Variants in CSMD1 observed in about 807,000 individuals in gnomAD.
CSMD1 encodes the protein CUB and sushi domain-containing protein 1.
CSMD1 carries 213 observed loss-of-function variants against 417.5 expected under a neutral mutation model. That is an observed-to-expected ratio of 0.51 (90% CI 0.46 to 0.57). The LOEUF is 0.57. CSMD1 is among the 20% of genes least tolerant of loss of function. CSMD1 has a pLI of 0.00. For missense variants in CSMD1, 6,923 were observed against 4,529.7 expected (o/e 1.53, Z -15.17); for synonymous variants, 2,862 against 1,736.8 (o/e 1.65, Z -16.11).
chr8:4,478,497 A>C (rs975286899), intron 2 of CSMD1, among the ~76,000 whole-genome samples: 1 of 152,210 alleles, frequency 6.6e-6, no homozygotes, highest in African/African-American at 2.4e-5. Context: ...CCCCAAAAAA[A>C]CTGAAAGTAG....
intron 3 of CSMD1, among the ~76,000 whole-genome samples, chr8:4,043,069 G>A (rs1028619572): frequency 6.6e-6 from 1 of 151,884 alleles, no homozygotes; most frequent in Admixed American, 6.6e-5. Flanking sequence ...GAGGCACAGG[G>A]TGCAGTGAGC....
intron 6 of CSMD1, among the ~76,000 whole-genome samples, chr8:3,749,734 T>A (rs930778801): frequency 2.0e-5 from 3 of 152,184 alleles, no homozygotes; most frequent in Admixed American, 6.6e-5. Context: ...TTTATGTTTT[T>A]TTTTCCTTTC....
chr8:3,687,522 C>T (rs543676206), intron 7 of CSMD1, among the ~76,000 whole-genome samples: 1 of 152,322 alleles, frequency 6.6e-6, no homozygotes, highest in South Asian at 2.1e-4. Context: ...TTAATTTTCT[C>T]TACTTTTCTT....
At chr8:4,380,735 C>G (rs573689158) in intron 3 of CSMD1, among the ~76,000 whole-genome samples, 1 of 152,176 alleles carries the variant, frequency 6.6e-6, no homozygotes, top group Admixed American at 6.5e-5. Flanking sequence ...GGGAGCACTT[C>G]ATACTGTCCT....
intron 10 of CSMD1, among the ~76,000 whole-genome samples, chr8:3,494,897 G>C (rs1465812575): frequency 6.6e-6 from 1 of 152,136 alleles, no homozygotes; most frequent in Non-Finnish European, 1.5e-5. Context: ...AAGAGTAAGT[G>C]GTAGCATAGA....
intron 42 of CSMD1, 37 bp from the exon 43 acceptor site, chr8:3,110,372 G>C: frequency 6.5e-7 from 1 of 1,529,976 alleles, no homozygotes; most frequent in East Asian, 2.3e-5. Flanking sequence ...GCGCCATACA[G>C]CTGATTTTAG....
chr8:3,856,498 C>A (rs577758055), intron 5 of CSMD1, among the ~76,000 whole-genome samples: 18 of 152,150 alleles, frequency 1.2e-4, no homozygotes, highest in Admixed American at 2.6e-4. Context: ...AGGAGGAGAA[C>A]TGCATGAGGA....
At chr8:2,952,318 T>G (rs1414612396) in intron 65 of CSMD1, among the ~76,000 whole-genome samples, 1 of 152,170 alleles carries the variant, frequency 6.6e-6, no homozygotes, top group East Asian at 1.9e-4. Flanking sequence ...TCGCAAATAA[T>G]GAGGACAAAA....
rs533371132 is a variant in CSMD1, at chr8:4,143,009, T to A, written c.416-110910A>T. Reference sequence around the variant, plus strand: ...ACTGATTGAAAAAAAAAAAATGCTCTCCATTTAGGAACTAGTGTCCAATTC... The same window carrying A: ...ACTGATTGAAAAAAAAAAAATGCTCACCATTTAGGAACTAGTGTCCAATTC... On this transcript the variant is annotated intron_variant, in intron 3 of 69. Coordinates refer to ENST00000635120, the MANE Select transcript of CSMD1 (RefSeq NM_033225.6). Among the ~76,000 whole-genome samples, 6 of 150,366 alleles carry A rather than the reference T, an allele frequency of 4.0e-5. No homozygotes were observed. In the East Asian group the frequency reaches 9.7e-4, roughly 24 times the overall value.
At chr8:3,187,492 CA>C (rs1438928004) in intron 36 of CSMD1, among the ~76,000 whole-genome samples, 1 of 152,132 alleles carries the variant, frequency 6.6e-6, no homozygotes, top group Non-Finnish European at 1.5e-5. Flanking sequence ...CCCACATGCT[CA>C]GTGTAATTTT....
Position 4,314,474 on chromosome 8 carries a change from G to A in CSMD1, c.415+105479C>T, listed in dbSNP as rs564239592. 1.8e-3 allele frequency among the ~76,000 whole-genome samples: 279 copies of A among 152,256 alleles called. 1 individual carries two copies. The highest frequency in any genetic ancestry group is 6.3e-3 in the African/African-American group (260 of 41,560). ...ATATAAGCCAATTTCAATTGCATCC[G>A]TTCCTTGAATACCTTTCTAAGCAGT... On this transcript the variant is annotated intron_variant, in intron 3 of 69. Transcript: ENST00000635120.
intron 5 of CSMD1, among the ~76,000 whole-genome samples, chr8:3,958,531 G>C (rs762959997): frequency 2.0e-5 from 3 of 152,060 alleles, no homozygotes; most frequent in Admixed American, 6.6e-5. Context: ...TCTGGGTTTA[G>C]TTCTATTATT....
At chr8:3,630,666 A>C (rs1028297014) in intron 7 of CSMD1, among the ~76,000 whole-genome samples, 1 of 152,126 alleles carries the variant, frequency 6.6e-6, no homozygotes, top group Non-Finnish European at 1.5e-5. Context: ...ATTGCGTTCG[A>C]GAAAAAATGT....
At chr8:3,359,866 T>C (rs1809042057) in intron 20 of CSMD1, among the ~76,000 whole-genome samples, 1 of 152,188 alleles carries the variant, frequency 6.6e-6, no homozygotes, top group African/African-American at 2.4e-5. Flanking sequence ...ACCCCATAAA[T>C]GTGTACAATT....
intron 3 of CSMD1, among the ~76,000 whole-genome samples, chr8:4,313,643 C>T (rs1204515715): frequency 1.3e-5 from 2 of 152,008 alleles, no homozygotes; most frequent in African/African-American, 2.4e-5. Context: ...AACATCAACA[C>T]ATGTAAATTC....
rs1351649615 is a variant in CSMD1, at chr8:4,417,152, T to C, written c.415+2801A>G. On this transcript the variant is annotated intron_variant, in intron 3 of 69. Transcript: ENST00000635120. Reference sequence around the variant, plus strand: ...AATTGCTGAGACTTGCTGAGGTCTATATTCAGAAAGTCAAATACTGTAAAT... The same window carrying C: ...AATTGCTGAGACTTGCTGAGGTCTACATTCAGAAAGTCAAATACTGTAAAT... 3.3e-5 allele frequency among the ~76,000 whole-genome samples: 5 copies of C among 152,188 alleles called. No homozygotes were observed. In the South Asian group the frequency reaches 1.0e-3, roughly 31 times the overall value.
At chr8:4,550,044 T>G (rs943616642) in intron 2 of CSMD1, among the ~76,000 whole-genome samples, 5 of 152,012 alleles carry the variant, frequency 3.3e-5, no homozygotes, top group Admixed American at 3.3e-4. Flanking sequence ...GCAGCATTCC[T>G]TTTTGTCATC....
chr8:4,009,439 G>A (rs187592628), intron 4 of CSMD1, among the ~76,000 whole-genome samples: 148 of 152,094 alleles, frequency 9.7e-4, no homozygotes, highest in Middle Eastern at 6.8e-3. Flanking sequence ...ATTCAACAGC[G>A]GATACATCAT....
At chr8:4,488,721 A>T (rs1399181203) in intron 2 of CSMD1, among the ~76,000 whole-genome samples, 1 of 152,060 alleles carries the variant, frequency 6.6e-6, no homozygotes, top group Non-Finnish European at 1.5e-5. Flanking sequence ...GGCATCTGTC[A>T]GCATCCCCAG....
Sources: allele counts gnomAD v4.1 joint callset (sites outside exome capture counted in the v4.1 genomes callset), GRCh38; gene constraint gnomAD v4.1.1; transcripts MANE v1.5; gene names NCBI Gene and HGNC (gene_info 2026-07-23, HGNC 2026-07-21).